The following AFF3 variants were observed in gnomAD, a reference collection of about 807,000 sequenced individuals.
The protein encoded by AFF3 is ALF transcription elongation factor 3.
A neutral mutation model predicts 129.7 loss-of-function variants in AFF3; 32 were observed. The ratio of observed to expected loss-of-function variants is 0.25; its 90% CI spans 0.19 to 0.33. The LOEUF is 0.33. Among genes scored for constraint, AFF3 ranks in the 10% least tolerant of loss-of-function variants. The probability of loss-of-function intolerance (pLI) is 1.00; values close to 1 mark genes in which losing one functional copy is unlikely to be tolerated. For missense variants in AFF3, 1,373 were observed against 1,592.0 expected (o/e 0.86, Z 2.34); for synonymous variants, 644 against 635.4 (o/e 1.01, Z -0.20).
chr2:99,618,731 G>A (rs1681697053), intron 13 of AFF3, among the ~76,000 whole-genome samples: 1 of 152,106 alleles, frequency 6.6e-6, no homozygotes, highest in South Asian at 2.1e-4. Flanking sequence ...GTTTTCTCAG[G>A]AAGGAATTGA....
chr2:99,782,186 G>A (rs1352770116), intron 8 of AFF3, among the ~76,000 whole-genome samples: 1 of 152,154 alleles, frequency 6.6e-6, no homozygotes, highest in Non-Finnish European at 1.5e-5. Context: ...TGGAGTTGGG[G>A]TCCCCACATT....
chr2:99,820,079 A>G (rs1576087300), intron 8 of AFF3, among the ~76,000 whole-genome samples: 1 of 152,220 alleles, frequency 6.6e-6, no homozygotes, highest in African/African-American at 2.4e-5. Flanking sequence ...ATCAATTTGT[A>G]AGGAACTATC....
chr2:99,723,521 A>G (rs889788871), intron 11 of AFF3, among the ~76,000 whole-genome samples: 2 of 152,178 alleles, frequency 1.3e-5, no homozygotes, highest in Non-Finnish European at 2.9e-5. Context: ...CATCTTTCCC[A>G]GTGCCCCATG....
intron 2 of AFF3, among the ~76,000 whole-genome samples, chr2:100,125,436 A>T (rs1320940826): frequency 6.6e-6 from 1 of 152,148 alleles, no homozygotes; most frequent in Non-Finnish European, 1.5e-5. Flanking sequence ...AAGCTCGCAG[A>T]GTGGGGCCCA....
intron 4 of AFF3, among the ~76,000 whole-genome samples, chr2:100,030,389 T>C (rs1684397698): frequency 6.6e-6 from 1 of 152,162 alleles, no homozygotes; most frequent in Non-Finnish European, 1.5e-5. Context: ...TGTACAGCTT[T>C]TGGGAAAGAT....
chr2:100,012,704 TA>T (rs1001508384), intron 4 of AFF3, among the ~76,000 whole-genome samples: 1 of 152,234 alleles, frequency 6.6e-6, no homozygotes, highest in African/African-American at 2.4e-5. Context: ...GATCATGCTT[TA>T]AAAGCAAAGA....
Position 99,587,272 on chromosome 2 carries a change from T to C in AFF3, c.2473A>G (p.Asn825Asp). 1 of 1,614,136 alleles carries C rather than the reference T, an allele frequency of 6.2e-7. No homozygotes were observed. Among genetic ancestry groups the C allele is most frequent in the Non-Finnish European group, 8.5e-7 (1 of 1,179,988 alleles). ...PKSKRKRKCD[N>D]EDDYREIKKS... Reference sequence around the variant, plus strand: ...TTGATCTCCCTGTAGTCGTCTTCGTTGTCACACTGTATGGGAATAAACTAA... The same window carrying C: ...TTGATCTCCCTGTAGTCGTCTTCGTCGTCACACTGTATGGGAATAAACTAA... The change falls in exon 16 of 25, where the codon AAC becomes GAC. Residue 825 changes from asparagine to aspartate, a missense_variant. Physicochemically the swap from Asn to Asp is conservative, Grantham distance 23. This residue lies in a region of AFF3 where 466 missense variants were observed against 505.0 expected (regional missense o/e 0.92). Transcript: ENST00000672756.
rs945260083 is a variant in AFF3, at chr2:100,077,106, G to A, written c.53+27296C>T. Among the ~76,000 whole-genome samples, 5 of 151,958 alleles carry A rather than the reference G, an allele frequency of 3.3e-5. No individual in the cohort carries two copies. The East Asian group carries it at 7.7e-4, about 24-fold the overall frequency. ...TCTACTAAAAATTCAAAACGTAGCC[G>A]GGCATGGTGGCAGGCACCTGTAATC... On this transcript the variant is annotated intron_variant, in intron 4 of 24. Transcript: ENST00000672756.
intron 8 of AFF3, among the ~76,000 whole-genome samples, chr2:99,814,101 G>A (rs1687017725): frequency 6.6e-6 from 1 of 152,148 alleles, no homozygotes; most frequent in South Asian, 2.1e-4. Flanking sequence ...AAGAGGCCAA[G>A]AAAGAAACTT....
intron 4 of AFF3, among the ~76,000 whole-genome samples, chr2:100,032,500 C>T (rs1377562502): frequency 6.6e-6 from 1 of 151,976 alleles, no homozygotes; most frequent in Non-Finnish European, 1.5e-5. Flanking sequence ...GATCACTGAT[C>T]TAAGTTCTGT....
chr2:99,937,975 C>T (rs1048382343), intron 7 of AFF3, among the ~76,000 whole-genome samples: 2 of 152,152 alleles, frequency 1.3e-5, no homozygotes, highest in African/African-American at 4.8e-5. Context: ...TCATAGGCAT[C>T]TCACAATCAC....
intron 7 of AFF3, among the ~76,000 whole-genome samples, chr2:100,004,592 C>A (rs764868616): frequency 1.3e-5 from 2 of 151,988 alleles, no homozygotes; most frequent in African/African-American, 4.8e-5. Flanking sequence ...GGCCTGATTG[C>A]GGATTTTATT....
intron 7 of AFF3, among the ~76,000 whole-genome samples, chr2:99,850,850 G>A (rs1690092993): frequency 1.3e-5 from 2 of 152,140 alleles, no homozygotes; most frequent in Non-Finnish European, 2.9e-5. Context: ...AGTCATTATA[G>A]CAGCTAACAA....
intron 7 of AFF3, among the ~76,000 whole-genome samples, chr2:99,894,967 C>T (rs79650000): frequency 1.3e-5 from 2 of 152,168 alleles, no homozygotes; most frequent in Non-Finnish European, 2.9e-5. Flanking sequence ...ACGCTATGTA[C>T]AGGTGTGGCA....
intron 7 of AFF3, among the ~76,000 whole-genome samples, chr2:99,922,350 G>A (rs1487343692): frequency 1.3e-5 from 2 of 152,124 alleles, no homozygotes; most frequent in African/African-American, 4.8e-5. Context: ...TCAGCCAACT[G>A]CGCTTTATTT....
At chr2:100,004,140 CT>C (rs1185801157) in intron 7 of AFF3, among the ~76,000 whole-genome samples, 1 of 152,130 alleles carries the variant, frequency 6.6e-6, no homozygotes, top group East Asian at 1.9e-4. Context: ...ATTCTTCACA[CT>C]GTGATAAGTC....
chr2:99,663,204 C>T (rs979252608), intron 12 of AFF3, among the ~76,000 whole-genome samples: 35 of 152,262 alleles, frequency 2.3e-4, no homozygotes, highest in Non-Finnish European at 1.0e-4. Context: ...TGAAGAGCTT[C>T]CATTACAATT....
chr2:99,737,738 G>A (rs543388452), intron 10 of AFF3, among the ~76,000 whole-genome samples: 87 of 150,922 alleles, frequency 5.8e-4, no homozygotes, highest in African/African-American at 2.0e-3. Flanking sequence ...ATCATCTTCA[G>A]TACTGTCTCG....
intron 16 of AFF3, among the ~76,000 whole-genome samples, chr2:99,586,601 T>C (rs1056660579): frequency 3.3e-5 from 5 of 152,184 alleles, no homozygotes; most frequent in Admixed American, 2.6e-4. Context: ...CCTGGGATCT[T>C]GCTTTGCTTG....
Sources: allele counts gnomAD v4.1 joint callset (sites outside exome capture counted in the v4.1 genomes callset), GRCh38; gene constraint gnomAD v4.1.1; regional missense constraint gnomAD v4.1.1; transcripts MANE v1.5; gene names NCBI Gene and HGNC (gene_info 2026-07-23, HGNC 2026-07-21).